NTM: variants seen among roughly 807,000 people sequenced by gnomAD.
NTM encodes the protein neurotrimin, also known as IgLON family member 2.
Under a neutral mutation model 42.1 loss-of-function variants are expected in NTM, and 13 were observed. The ratio of observed to expected loss-of-function variants is 0.31; its 90% CI spans 0.20 to 0.49. NTM has a LOEUF of 0.49. Among genes scored for constraint, NTM ranks in the 20% least tolerant of loss-of-function variants. The pLI, the probability that NTM is intolerant of heterozygous loss-of-function variation, is 0.99. For synonymous variants in NTM, 187 were observed against 179.2 expected, an observed-to-expected ratio of 1.04 and a Z score of -0.35; for missense variants, 373 against 452.8, an observed-to-expected ratio of 0.82 and a Z score of 1.60.
intron 1 of NTM, among the ~76,000 whole-genome samples, chr11:131,833,018 A>T (rs4937659): frequency 0.63 from 95,862 of 152,104 alleles, 30,500 homozygotes; most frequent in Admixed American, 0.7. Flanking sequence ...AAGTTGTCAT[A>T]AATACCCATA....
At chr11:131,795,648 T>C (rs1049924436) in intron 1 of NTM, 108 of 985,316 alleles carry the variant, frequency 1.1e-4, no homozygotes, top group Non-Finnish European at 1.2e-4. Context: ...TGTAGGCCAG[T>C]ACAGTGCCAG....
intron 3 of NTM, among the ~76,000 whole-genome samples, chr11:132,206,538 T>C (rs1451633618): frequency 6.6e-6 from 1 of 152,244 alleles, no homozygotes; most frequent in Non-Finnish European, 1.5e-5. Flanking sequence ...CAGACAGTTA[T>C]TAGCTCCATT....
At chr11:132,185,470 G>A (rs930067550) in intron 3 of NTM, among the ~76,000 whole-genome samples, 4 of 152,090 alleles carry the variant, frequency 2.6e-5, no homozygotes, top group Non-Finnish European at 4.4e-5. Flanking sequence ...AATGAGAAGC[G>A]ATGCCCAAAA....
chr11:131,976,249 G>A (rs539635572), intron 2 of NTM, among the ~76,000 whole-genome samples: 1 of 151,984 alleles, frequency 6.6e-6, no homozygotes, highest in Admixed American at 6.6e-5. Context: ...GAAAAGAGAG[G>A]TGATAAGAGC....
chr11:132,300,127 C>T (rs1454262466), intron 4 of NTM, among the ~76,000 whole-genome samples: 1 of 151,976 alleles, frequency 6.6e-6, no homozygotes, highest in Non-Finnish European at 1.5e-5. Flanking sequence ...TGTGGTGAAT[C>T]CTTTGTAAGA....
chr11:132,148,540 C>T (rs1301753178), intron 3 of NTM, among the ~76,000 whole-genome samples: 2 of 152,064 alleles, frequency 1.3e-5, no homozygotes, highest in East Asian at 3.9e-4. Context: ...GAGATATTTG[C>T]TTTAGGAAGC....
At chr11:131,852,542 C>A (rs2045666609) in intron 1 of NTM, among the ~76,000 whole-genome samples, 1 of 152,122 alleles carries the variant, frequency 6.6e-6, no homozygotes, top group Non-Finnish European at 1.5e-5. Flanking sequence ...GTGGAATGTC[C>A]TGCCACTGCT....
intron 1 of NTM, among the ~76,000 whole-genome samples, chr11:131,779,067 G>T (rs956844392): frequency 1.3e-5 from 2 of 152,226 alleles, no homozygotes; most frequent in African/African-American, 2.4e-5. Flanking sequence ...GCCGATGGGG[G>T]CTACGTGGCC....
At chr11:131,949,964 G>A (rs1249729718) in intron 2 of NTM, among the ~76,000 whole-genome samples, 2 of 152,078 alleles carry the variant, frequency 1.3e-5, no homozygotes, top group Non-Finnish European at 2.9e-5. Flanking sequence ...TTCTGTTATT[G>A]TTTTCCTTAC....
At chr11:131,813,229 G>A (rs76474140) in intron 1 of NTM, among the ~76,000 whole-genome samples, 2,662 of 152,216 alleles carry the variant, frequency 0.017, 28 homozygotes, top group Non-Finnish European at 0.028. Context: ...TAACCAGATC[G>A]TTGCCATCAT....
chr11:131,471,507 T>C (rs1212522105), intron 1 of NTM, among the ~76,000 whole-genome samples: 3 of 152,110 alleles, frequency 2.0e-5, no homozygotes, highest in Admixed American at 6.5e-5. Flanking sequence ...GTTTTAAGAG[T>C]GTGTAACGGA....
intron 1 of NTM, among the ~76,000 whole-genome samples, chr11:131,472,753 T>G (rs2136187474): frequency 6.6e-6 from 1 of 152,258 alleles, no homozygotes; most frequent in Non-Finnish European, 1.5e-5. Flanking sequence ...TGAGGTAGTA[T>G]TTAGCATACC....
intron 4 of NTM, among the ~76,000 whole-genome samples, chr11:132,294,938 T>A (rs1018807988): frequency 2.0e-5 from 3 of 152,314 alleles, no homozygotes; most frequent in South Asian, 2.1e-4. Context: ...GCAGGGACAT[T>A]GGCTATAAGA....
chr11:131,476,390 G>A (rs1288544878), intron 1 of NTM, among the ~76,000 whole-genome samples: 1 of 152,196 alleles, frequency 6.6e-6, no homozygotes, highest in African/African-American at 2.4e-5. Context: ...CTGTGGCCAT[G>A]CTTAGGATTG....
chr11:131,963,774 C>T (rs2062494048), intron 2 of NTM, among the ~76,000 whole-genome samples: 1 of 152,204 alleles, frequency 6.6e-6, no homozygotes, highest in Non-Finnish European at 1.5e-5. Flanking sequence ...ATATAGTGCT[C>T]ACTATGCACT....
intron 1 of NTM, among the ~76,000 whole-genome samples, chr11:131,790,770 C>T (rs1214190948): frequency 6.6e-6 from 1 of 152,182 alleles, no homozygotes; most frequent in African/African-American, 2.4e-5. Flanking sequence ...CTCTCCATAG[C>T]AATTTCAGCA....
intron 1 of NTM, among the ~76,000 whole-genome samples, chr11:131,500,036 TG>T (rs2136355864): frequency 6.6e-6 from 1 of 152,328 alleles, no homozygotes; most frequent in Admixed American, 6.5e-5. Context: ...GGTCCCCCCA[TG>T]CCTGCCCTGC....
At chr11:131,898,291 C>T (rs1487723074) in intron 1 of NTM, among the ~76,000 whole-genome samples, 1 of 152,170 alleles carries the variant, frequency 6.6e-6, no homozygotes, top group South Asian at 2.1e-4. Flanking sequence ...CTGATGTCTG[C>T]CTGTGGGGAA....
intron 1 of NTM, among the ~76,000 whole-genome samples, chr11:131,527,293 C>T (rs1382264053): frequency 6.6e-6 from 1 of 152,114 alleles, no homozygotes; most frequent in Non-Finnish European, 1.5e-5. Context: ...TTTTTATTCC[C>T]CCACCCCTGG....
Sources: gnomAD v4.1 joint callset for allele counts (sites outside exome capture counted in the v4.1 genomes callset) on GRCh38, gnomAD v4.1.1 for gene constraint, MANE v1.5 for transcripts, NCBI Gene and HGNC (gene_info 2026-07-23, HGNC 2026-07-21) for gene names.